The following FCER2 variants were observed in gnomAD, a reference collection of about 807,000 sequenced individuals.
The protein encoded by FCER2 is Fc epsilon receptor II.
In FCER2, 38 loss-of-function variants were observed where a neutral mutation model predicts 49.7. The observed-to-expected ratio is 0.76, with a 90% confidence interval of 0.59 to 1.00. The LOEUF is 1.00. FCER2 is among the 50% of genes least tolerant of loss of function. The pLI is 0.00. For missense variants in FCER2, 425 were observed against 419.5 expected, an observed-to-expected ratio of 1.01 and a Z score of -0.11; for synonymous variants, 163 against 164.6, an observed-to-expected ratio of 0.99 and a Z score of 0.07.
intron 8 of FCER2, among the ~76,000 whole-genome samples, chr19:7,691,435 G>A (rs547816698): frequency 8.2e-6 from 1 of 121,658 alleles, no homozygotes; most frequent in East Asian, 2.4e-4. Context: ...CAACACCATC[G>A]CCATCGACAG....
rs1312019809 is a variant in FCER2 at position 7,698,676 on chromosome 19, G to A, written c.136+65C>T. On this transcript the variant is annotated intron_variant, in intron 3 of 10. Coordinates refer to ENST00000597921, the MANE Select transcript of FCER2 (RefSeq NM_001220500.2). Reference sequence around the variant, plus strand: ...GCTCCCCCAGCTCTGAGATGGGGGTGAAGGAGGGAACACAGAAGGGCCCCA... The same window carrying A: ...GCTCCCCCAGCTCTGAGATGGGGGTAAAGGAGGGAACACAGAAGGGCCCCA... 22 of 1,572,624 alleles carry A rather than the reference G, an allele frequency of 1.4e-5. 1 individual carries two copies. In the East Asian group the frequency reaches 4.5e-4, roughly 32 times the overall value.
At position 7,689,359 on chromosome 19, in the gene FCER2, C is replaced by G. The variant is rs548023601; in HGVS notation, c.800G>C (p.Arg267Pro). 49 of 1,610,356 alleles carry G rather than the reference C, an allele frequency of 3.0e-5. No individual in the cohort carries two copies. In the East Asian group the frequency reaches 6.0e-4, roughly 20 times the overall value. The change falls in exon 11 of 11, where the codon CGC becomes CCC. Residue 267 changes from arginine (R) to proline (P), a missense_variant. By Grantham distance (103) the Arg-to-Pro change is moderately radical (BLOSUM62 -2). Coordinates refer to ENST00000597921, the MANE Select transcript of FCER2 (RefSeq NM_001220500.2). ...EDCVMMRGSGRWNDAFCDRKL... is the reference protein window; with the variant it reads ...EDCVMMRGSGPWNDAFCDRKL... ...ACGGTCGCAGAAGGCGTCGTTCCAGCGACCGGAGCCCCGCATCATCACGCA... is the reference window on the plus strand; with the variant it reads ...ACGGTCGCAGAAGGCGTCGTTCCAGGGACCGGAGCCCCGCATCATCACGCA...
Position 7,697,266 on chromosome 19 carries a change from G to C in FCER2, c.286C>G (p.Arg96Gly). The change falls in exon 6 of 11, where the codon CGA becomes GGA. Residue 96 changes from arginine (R) to glycine (G), a missense_variant. Arg to Gly is a moderately radical substitution (Grantham distance 125). Transcript: ENST00000597921. Reference sequence around the variant, plus strand: ...GATTTCAATCTCTGCTGTTCAGCTCGAAGTTCCTCCAGTTCCTGTGAAATC... The same window carrying C: ...GATTTCAATCTCTGCTGTTCAGCTCCAAGTTCCTCCAGTTCCTGTGAAATC... ...TQISQELEEL[R>G]AEQQRLKSQD... The C allele has an allele frequency of 6.2e-7, 1 of 1,614,182 alleles. No homozygotes were observed. Among genetic ancestry groups the C allele is most frequent in the Non-Finnish European group, 8.5e-7 (1 of 1,180,026 alleles).
rs755933015 is a variant in FCER2, at chr19:7,696,906, C to A, written c.388G>T (p.Glu130Ter). 1.9e-6 allele frequency: 3 copies of A among 1,582,172 alleles called. No individual in the cohort carries two copies. Among genetic ancestry groups the A allele is most frequent in the Non-Finnish European group, 1.7e-6 (2 of 1,163,204 alleles). Residue 130 changes from glutamate to a stop codon, truncating the protein, a stop_gained, in exon 8 of 11, where the codon GAG becomes TAG. Coordinates refer to ENST00000597921, the MANE Select transcript of FCER2 (RefSeq NM_001220500.2). LOFTEE classifies it high-confidence loss of function. ...LSSFKSQELN[E>*]RNEASDLLER... ...AGCAAATCTGAAGCTTCGTTCCTCT[C>A]GTTCAATTCTTGGGGAGTCAACAAG...
intron 4 of FCER2, 49 bp from the exon 5 acceptor site, chr19:7,697,638 C>T: frequency 6.6e-7 from 1 of 1,505,952 alleles, no homozygotes; most frequent in African/African-American, 1.4e-5. Context: ...AAAGGCAGGT[C>T]CTTGGACCCC....
At chr19:7,699,525 C>T in intron 2 of FCER2, 1 of 1,369,116 alleles carries the variant, frequency 7.3e-7, no homozygotes, top group Non-Finnish European at 9.6e-7. Context: ...GGTGTTGAAT[C>T]AGAAAAAGGA....
In FCER2 at chr19:7,689,115, C is replaced by T. The variant is rs547790901; in HGVS notation, c.*78G>A. 2.1e-5 allele frequency: 21 copies of T among 997,506 alleles called. No individual in the cohort carries two copies. Among genetic ancestry groups the T allele is most frequent in the East Asian group, 4.9e-5 (2 of 41,180 alleles). The allele number at this position is 997,506 out of a possible 1,614,324, so 61.8% of individuals were successfully genotyped here. On this transcript the variant is annotated 3_prime_UTR_variant, in exon 11 of 11. Transcript: ENST00000597921. Reference sequence around the variant, plus strand: ...TGGGTGGCAGAAAATGTCACAGGGACCTTTCAGCCACAAAGAGGCTTTTAG... The same window carrying T: ...TGGGTGGCAGAAAATGTCACAGGGATCTTTCAGCCACAAAGAGGCTTTTAG...
intron 2 of FCER2, among the ~76,000 whole-genome samples, 190 bp from the exon 3 acceptor site, chr19:7,699,044 A>T (rs8110107): frequency 0.94 from 143,093 of 151,946 alleles, 67,556 homozygotes; most frequent in Middle Eastern, 0.98. Flanking sequence ...TGGGTCACTG[A>T]CCACAGAGAC....
chr19:7,698,463 C>T, intron 3 of FCER2, 54 bp from the exon 4 acceptor site: 1 of 1,369,538 alleles, frequency 7.3e-7, no homozygotes, highest in Non-Finnish European at 1.0e-6. Flanking sequence ...GTGCCCCCAC[C>T]TGCCTGCACC....
rs2033011253 is a variant in FCER2 at position 7,696,361 on chromosome 19, T to TA, written c.469+463dup. Among the ~76,000 whole-genome samples, 4 of 151,960 alleles carry TA rather than the reference T, an allele frequency of 2.6e-5. No homozygotes were observed. The South Asian group carries it at 8.3e-4, about 32-fold the overall frequency. ...CATAATCTATCCGCCTCGACCTCCC[T>TA]AAGTGCTGGGATTACAAGCGTGAGC... is the stretch of plus-strand genomic sequence containing the variant. On this transcript the variant is annotated intron_variant, in intron 8 of 10. Coordinates refer to ENST00000597921, the MANE Select transcript of FCER2 (RefSeq NM_001220500.2).
chr19:7,698,428 G>T lies in FCER2; in HGVS notation c.137-19C>A. 1.3e-6 allele frequency: 2 copies of T among 1,586,592 alleles called. No individual in the cohort carries two copies. The highest frequency in any genetic ancestry group is 8.6e-7 in the Non-Finnish European group (1 of 1,159,480). On this transcript the variant is annotated intron_variant, in intron 3 of 10. Transcript: ENST00000597921. ...TCCCAGTCTGGGGAGGGGGAGAGAAGAGGAGTGGAGAGGGGGGATTGTCAG... is the reference window on the plus strand; with the variant it reads ...TCCCAGTCTGGGGAGGGGGAGAGAATAGGAGTGGAGAGGGGGGATTGTCAG...
At chr19:7,701,227 TC>T (rs1373043535) in intron 1 of FCER2, among the ~76,000 whole-genome samples, 1 of 152,154 alleles carries the variant, frequency 6.6e-6, no homozygotes, top group African/African-American at 2.4e-5. Flanking sequence ...AAGTCCCTTC[TC>T]TCGGAGCCTC....
intron 5 of FCER2, 27 bp from the exon 6 acceptor site, chr19:7,697,325 G>T: frequency 1.2e-6 from 2 of 1,612,150 alleles, no homozygotes; most frequent in Non-Finnish European, 1.7e-6. Flanking sequence ...GGGCTTCATG[G>T]TAAGCAGGTC....
At position 7,690,191 on chromosome 19, in the gene FCER2, A is replaced by G. The variant is rs765054864; in HGVS notation, c.696T>C (p.Phe232=). Residue 232 remains phenylalanine (F), a synonymous_variant, in exon 10 of 11, where the codon TTT becomes TTC. Transcript: ENST00000597921. ...GLRNLDLKGE[F]IWVDGSHVDY... Reference sequence around the variant, plus strand: ...CCACGTGGCTCCCATCCACCCAGATAAACTCCCCCTTCAGGTCCAAGTTCC... The same window carrying G: ...CCACGTGGCTCCCATCCACCCAGATGAACTCCCCCTTCAGGTCCAAGTTCC... The G allele has an allele frequency of 1.2e-6, 2 of 1,613,650 alleles. No homozygotes were observed. The highest frequency in any genetic ancestry group is 1.1e-5 in the South Asian group (1 of 91,072).
At chr19:7,690,084 G>T in intron 10 of FCER2, 75 bp downstream of exon 10, 1 of 945,018 alleles carries the variant, frequency 1.1e-6, no homozygotes. Context: ...GCTTTCCGAT[G>T]CAGTTTATCT....
chr19:7,697,476 CA>C lies in FCER2; in HGVS notation c.253+50del, dbSNP rs760527619. 3 of 1,553,468 alleles carry C rather than the reference CA, an allele frequency of 1.9e-6. No homozygotes were observed. In the Admixed American group the frequency reaches 5.1e-5, roughly 26 times the overall value. The stretch of plus-strand genomic sequence containing the variant: ...AATGCTCTGGGTCCAGGAAGTCATC[CA>C]AGACCCCCTCGCTTTTTCCCCTGCA... On this transcript the variant is annotated intron_variant, in intron 5 of 10. Coordinates refer to ENST00000597921, the MANE Select transcript of FCER2 (RefSeq NM_001220500.2).
At chr19:7,699,344 T>A in intron 2 of FCER2, 5 of 1,240,942 alleles carry the variant, frequency 4.0e-6, no homozygotes, top group Non-Finnish European at 4.3e-6. Flanking sequence ...TATCTGGATG[T>A]CCCACCTCAA....
chr19:7,697,451 AAT>A (rs1568490232), intron 5 of FCER2, 74 bp downstream of exon 5: 1 of 1,496,030 alleles, frequency 6.7e-7, no homozygotes, highest in Non-Finnish European at 9.3e-7. Flanking sequence ...AGTGAGTCTT[AAT>A]GCTCTGGGTC....
chr19:7,691,950 T>C (rs2032883116), intron 8 of FCER2, among the ~76,000 whole-genome samples: 1 of 132,216 alleles, frequency 7.6e-6, no homozygotes, highest in African/African-American at 3.2e-5. Flanking sequence ...ACACATCAAC[T>C]ACCAACACCA....
Sources: allele counts gnomAD v4.1 joint callset (sites outside exome capture counted in the v4.1 genomes callset), GRCh38; gene constraint gnomAD v4.1.1; transcripts MANE v1.5; gene names NCBI Gene and HGNC (gene_info 2026-07-23, HGNC 2026-07-21).